The following CAMK2A variants were observed in gnomAD, a reference collection of about 807,000 sequenced individuals.
CAMK2A encodes the protein calcium/calmodulin dependent protein kinase II alpha.
Under a neutral mutation model 79.2 loss-of-function variants are expected in CAMK2A, and 7 were observed. That is an observed-to-expected ratio of 0.09 (90% CI 0.05 to 0.17). The LOEUF (loss-of-function observed/expected upper bound fraction) is 0.17, where lower values mean the gene tolerates loss of function less well. Ranked by LOEUF, CAMK2A falls within the 10% of genes least tolerant of loss-of-function variation. The probability of loss-of-function intolerance (pLI) is 1.00; values close to 1 mark genes in which losing one functional copy is unlikely to be tolerated. For missense variants in CAMK2A, 214 were observed against 646.4 expected (o/e 0.33, Z 7.25); for synonymous variants, 242 against 251.7 (o/e 0.96, Z 0.36).
intron 13 of CAMK2A, among the ~76,000 whole-genome samples, chr5:150,240,543 G>A (rs1755291875): frequency 6.6e-6 from 1 of 152,110 alleles, no homozygotes; most frequent in Non-Finnish European, 1.5e-5. Context: ...CCCCTGTATT[G>A]GCTACGGTAC....
Position 150,289,765 on chromosome 5 carries a change from G to A in CAMK2A, c.-140C>T, listed in dbSNP as rs775323226. 3.1e-5 allele frequency: 20 copies of A among 637,000 alleles called. No individual in the cohort carries two copies. The highest frequency in any genetic ancestry group is 5.6e-5 in the East Asian group (2 of 35,446). 39.5% of individuals were successfully genotyped at this position (637,000 alleles called of 1,614,324 possible). On this transcript the variant is annotated 5_prime_UTR_variant, in exon 1 of 19. Coordinates refer to ENST00000671881, the MANE Select transcript of CAMK2A (RefSeq NM_015981.4). ...GAGAACCGGTTTGACTGACGAGCCC[G>A]GGGCTTCTGAGCAGGGCACTGTGGC... is the stretch of plus-strand genomic sequence containing the variant.
rs926064818 is a variant in CAMK2A, at chr5:150,256,974, GTCCCCTGCTGCAATGCCCT to G, written c.273-162_273-144del. 1 of 626,638 alleles carries G rather than the reference GTCCCCTGCTGCAATGCCCT, an allele frequency of 1.6e-6. No individual in the cohort carries two copies. Among genetic ancestry groups the G allele is most frequent in the Non-Finnish European group, 2.8e-6 (1 of 357,354 alleles). The allele number at this position is 626,638 out of a possible 1,614,324, so 38.8% of individuals were successfully genotyped here. On this transcript the variant is annotated intron_variant, in intron 4 of 18. Transcript: ENST00000671881. The surrounding 1 kb of genome is among the most constrained non-coding windows in gnomAD (Gnocchi z 4.6). ...GGAGGGGCCCCAGGGTCACGGGGGT[GTCCCCTGCTGCAATGCCCT>G]TCCTGTCTTCCAGAGCACCCTTCCA...
intron 3 of CAMK2A, among the ~76,000 whole-genome samples, chr5:150,262,325 C>T (rs974320764): frequency 2.6e-5 from 4 of 152,188 alleles, no homozygotes; most frequent in South Asian, 2.1e-4. Context: ...GCTCACCTTT[C>T]GGGTTTTGAG....
intron 18 of CAMK2A, 44 bp downstream of exon 18, chr5:150,222,945 C>T: frequency 6.4e-7 from 1 of 1,569,686 alleles, no homozygotes; most frequent in Non-Finnish European, 8.8e-7. Flanking sequence ...GCAACACTCC[C>T]ATCCTTTACA....
intron 8 of CAMK2A, 55 bp downstream of exon 8, chr5:150,251,927 G>A (rs1363151745): frequency 1.3e-6 from 2 of 1,570,830 alleles, no homozygotes; most frequent in Non-Finnish European, 1.8e-6. Context: ...GAGAGAGGGG[G>A]CCCCAGAGGC....
chr5:150,279,072 G>A (rs578114052), intron 1 of CAMK2A, among the ~76,000 whole-genome samples: 1 of 152,242 alleles, frequency 6.6e-6, no homozygotes, highest in East Asian at 1.9e-4. Context: ...TAAGGATGAG[G>A]CTCAGGAATG....
intron 6 of CAMK2A, 133 bp from the exon 7 acceptor site, chr5:150,253,679 C>T (rs907411464): frequency 1.4e-6 from 1 of 699,154 alleles, no homozygotes; most frequent in Non-Finnish European, 2.5e-6. Context: ...CTGCTTTCAT[C>T]TCCAGCCCCG....
chr5:150,230,858 C>G (rs928491648), intron 16 of CAMK2A, among the ~76,000 whole-genome samples: 4 of 152,210 alleles, frequency 2.6e-5, no homozygotes, highest in Admixed American at 2.0e-4. Flanking sequence ...CCCTGTGGAT[C>G]CTGCTTGCTC....
In CAMK2A at chr5:150,265,043, C is replaced by A. The variant is rs1458891507; in HGVS notation, c.158-28G>T. On this transcript the variant is annotated intron_variant, in intron 2 of 18. Coordinates refer to ENST00000671881, the MANE Select transcript of CAMK2A (RefSeq NM_015981.4). ...GAAACACAGAGGCTCATGTGAGTCC[C>A]CGGTGAGGAAGGAACCATTACCCTC... The A allele has an allele frequency of 4.5e-6, 7 of 1,566,318 alleles. No homozygotes were observed. The African/African-American group carries it at 9.5e-5, about 21-fold the overall frequency.
intron 15 of CAMK2A, chr5:150,238,305 A>G (rs1755174503): frequency 5.4e-6 from 1 of 186,836 alleles, no homozygotes; most frequent in African/African-American, 2.4e-5. Context: ...ACAAAAAATT[A>G]GCCAGGTGTG....
At chr5:150,230,147 G>A (rs567293178) in intron 16 of CAMK2A, among the ~76,000 whole-genome samples, 3 of 151,796 alleles carry the variant, frequency 2.0e-5, no homozygotes, top group East Asian at 1.9e-4. Context: ...GTGAAACCCC[G>A]TCTCTACTAA....
Position 150,279,296 on chromosome 5 carries a change from G to T in CAMK2A, c.63-6137C>A, listed in dbSNP as rs574642877. Among the ~76,000 whole-genome samples the T allele has an allele frequency of 4.6e-5, 7 of 152,236 alleles. No homozygotes were observed. The South Asian group carries it at 1.5e-3, about 32-fold the overall frequency. ...TAATGACTGCCACATTGGAGAGCGC[G>T]GTTCAACATAGAGAAGAGCAGGCAC... On this transcript the variant is annotated intron_variant, in intron 1 of 18. Transcript: ENST00000671881.
intron 17 of CAMK2A, among the ~76,000 whole-genome samples, chr5:150,226,035 C>T (rs1472243867): frequency 6.6e-6 from 1 of 152,162 alleles, no homozygotes; most frequent in African/African-American, 2.4e-5. Flanking sequence ...CGTGAGCCAC[C>T]GCACCCGGCC....
At chr5:150,266,502 C>A (rs1756519656) in intron 2 of CAMK2A, among the ~76,000 whole-genome samples, 1 of 152,192 alleles carries the variant, frequency 6.6e-6, no homozygotes. Context: ...AAGCACTGTG[C>A]AGAGGGCTTT....
At chr5:150,230,195 G>C (rs972990117) in intron 16 of CAMK2A, among the ~76,000 whole-genome samples, 1 of 151,746 alleles carries the variant, frequency 6.6e-6, no homozygotes, top group South Asian at 2.1e-4. Flanking sequence ...GCGTGCACCT[G>C]TAATCCCAGC....
chr5:150,278,569 T>C (rs574213324), intron 1 of CAMK2A, among the ~76,000 whole-genome samples: 5 of 151,600 alleles, frequency 3.3e-5, no homozygotes, highest in African/African-American at 9.7e-5. Flanking sequence ...CGAGGCCAAG[T>C]TGGGGAGGGC....
At chr5:150,251,335 C>A (rs1174491661) in intron 9 of CAMK2A, among the ~76,000 whole-genome samples, 2 of 152,156 alleles carry the variant, frequency 1.3e-5, no homozygotes, top group African/African-American at 4.8e-5. Flanking sequence ...GTGATCTAGG[C>A]AGTTACTTGA....
At chr5:150,254,134 T>C (rs1755955201) in intron 6 of CAMK2A, among the ~76,000 whole-genome samples, 1 of 152,146 alleles carries the variant, frequency 6.6e-6, no homozygotes, top group Non-Finnish European at 1.5e-5. Context: ...TGTCACCCCA[T>C]GGAGGAGGCC....
intron 3 of CAMK2A, among the ~76,000 whole-genome samples, chr5:150,261,769 A>G (rs1756315434): frequency 6.6e-6 from 1 of 152,202 alleles, no homozygotes; most frequent in South Asian, 2.1e-4. Flanking sequence ...CAAGCTATGT[A>G]GCTATGGGCA....
Sources: gnomAD v4.1 joint callset for allele counts (sites outside exome capture counted in the v4.1 genomes callset) on GRCh38, gnomAD v4.1.1 for gene constraint, Gnocchi (gnomAD v3.1) non-coding constraint, MANE v1.5 for transcripts, NCBI Gene and HGNC (gene_info 2026-07-23, HGNC 2026-07-21) for gene names.